RNF150: variants seen among roughly 807,000 people sequenced by gnomAD.
RNF150 encodes the protein ring finger protein 150.
In RNF150, 24 loss-of-function variants were observed where a neutral mutation model predicts 39.3. The ratio of observed to expected loss-of-function variants is 0.61; its 90% confidence interval spans 0.44 to 0.86. The LOEUF (loss-of-function observed/expected upper bound fraction) is 0.86, where lower values mean the gene tolerates loss of function less well. Among genes scored for constraint, RNF150 ranks in the 40% least tolerant of loss-of-function variants. The pLI, the probability that RNF150 is intolerant of heterozygous loss-of-function variation, is 0.00. For missense variants in RNF150, 502 were observed against 587.8 expected (o/e 0.85, Z 1.51); for synonymous variants, 255 against 227.3 (o/e 1.12, Z -1.10).
chr4:140,974,707 A>G (rs1733598400), intron 1 of RNF150, among the ~76,000 whole-genome samples: 1 of 152,176 alleles, frequency 6.6e-6, no homozygotes, highest in Admixed American at 6.5e-5. Context: ...AGGTGTACAA[A>G]GGTATTGCAT....
intron 5 of RNF150, among the ~76,000 whole-genome samples, chr4:140,919,880 C>T (rs1731030934): frequency 6.6e-6 from 1 of 152,054 alleles, no homozygotes; most frequent in African/African-American, 2.4e-5. Context: ...AGAAATAACG[C>T]CACATATCTA....
intron 1 of RNF150, among the ~76,000 whole-genome samples, chr4:141,117,004 C>A (rs538675795): frequency 2.7e-4 from 40 of 149,912 alleles, no homozygotes; most frequent in African/African-American, 9.1e-4. Context: ...GGTGGGGGGA[C>A]TAGGGGAGGG....
chr4:140,900,089 C>T (rs1011692856), intron 6 of RNF150, among the ~76,000 whole-genome samples: 4 of 151,996 alleles, frequency 2.6e-5, no homozygotes, highest in African/African-American at 9.7e-5. Context: ...TTGCACCAAC[C>T]TAATAGCAGT....
intron 5 of RNF150, among the ~76,000 whole-genome samples, chr4:140,919,035 T>A (rs994644236): frequency 1.3e-5 from 2 of 151,772 alleles, no homozygotes; most frequent in Admixed American, 6.6e-5. Flanking sequence ...GGGACGTATC[T>A]CAAAATAATA....
At chr4:141,191,020 C>T (rs1728102862) in intron 1 of RNF150, among the ~76,000 whole-genome samples, 2 of 152,226 alleles carry the variant, frequency 1.3e-5, no homozygotes, top group Non-Finnish European at 1.5e-5. Flanking sequence ...ACCTTCCCCA[C>T]TCCACTTCAC....
intron 1 of RNF150, among the ~76,000 whole-genome samples, chr4:141,067,910 G>A (rs1385497325): frequency 6.6e-6 from 1 of 151,306 alleles, no homozygotes; most frequent in Non-Finnish European, 1.5e-5. Flanking sequence ...AACAAATCAT[G>A]TATAAAATAT....
At chr4:141,047,090 C>T (rs532904405) in intron 1 of RNF150, among the ~76,000 whole-genome samples, 1 of 152,038 alleles carries the variant, frequency 6.6e-6, no homozygotes, top group Non-Finnish European at 1.5e-5. Flanking sequence ...ATCTAAAAAT[C>T]AGGACTAATG....
At chr4:141,131,983 G>A (rs1726901652) in intron 1 of RNF150, among the ~76,000 whole-genome samples, 2 of 151,992 alleles carry the variant, frequency 1.3e-5, no homozygotes, top group African/African-American at 2.4e-5. Flanking sequence ...TTCCAAACAG[G>A]TGCTGGGCCG....
At chr4:141,186,059 G>C (rs978163343) in intron 1 of RNF150, among the ~76,000 whole-genome samples, 1 of 152,186 alleles carries the variant, frequency 6.6e-6, no homozygotes, top group African/African-American at 2.4e-5. Context: ...ATGAGTTAGG[G>C]AGGAATCCCT....
In RNF150 at chr4:141,061,875, C is replaced by A. The variant is rs535584717; in HGVS notation, c.484+70450G>T. Among the ~76,000 whole-genome samples the A allele has an allele frequency of 1.4e-3, 209 of 152,270 alleles. 12 individuals carry two copies. The South Asian group carries it at 0.041, about 30-fold the overall frequency. On this transcript the variant is annotated intron_variant, in intron 1 of 6. Coordinates refer to ENST00000515673, the MANE Select transcript of RNF150 (RefSeq NM_020724.2). ...CTGAATTAAGTAGGTCCTACCTCAACTGACATAAATAAACTAAATTTCAAA... is the reference window on the plus strand; with the variant it reads ...CTGAATTAAGTAGGTCCTACCTCAAATGACATAAATAAACTAAATTTCAAA...
At position 140,867,305 on chromosome 4, in the gene RNF150, A is replaced by C. The variant is rs1340292653; in HGVS notation, c.*956T>G. 1.3e-5 allele frequency: 2 copies of C among 152,218 alleles called. No homozygotes were observed. 9.4% of individuals were successfully genotyped at this position (152,218 alleles called of 1,614,324 possible). ...TACAGAACCCACTTACAGAGGTAAG[A>C]AAAAAACTGTTCTAGCCCAGGGGAA... On this transcript the variant is annotated 3_prime_UTR_variant, in exon 7 of 7. Coordinates refer to ENST00000515673, the MANE Select transcript of RNF150 (RefSeq NM_020724.2).
In RNF150 at chr4:140,964,712, T is replaced by C. The variant is rs138126765; in HGVS notation, c.735+2911A>G. ...TTTCCCCTAAATTATCCTATAAGTT[T>C]AAAAACTCATATAATGATTCTAAAT... On this transcript the variant is annotated intron_variant, in intron 2 of 6. Coordinates refer to ENST00000515673, the MANE Select transcript of RNF150 (RefSeq NM_020724.2). 2.6e-3 allele frequency among the ~76,000 whole-genome samples: 391 copies of C among 152,118 alleles called. 1 individual carries two copies. Among genetic ancestry groups the C allele is most frequent in the Middle Eastern group, 0.01 (3 of 294 alleles).
At chr4:140,919,333 C>T (rs1249953646) in intron 5 of RNF150, among the ~76,000 whole-genome samples, 7 of 142,340 alleles carry the variant, frequency 4.9e-5, no homozygotes, top group Admixed American at 1.5e-4. Context: ...GCAACTTCAG[C>T]GAAGACTCAA....
intron 1 of RNF150, among the ~76,000 whole-genome samples, chr4:141,061,033 A>T (rs1326093396): frequency 6.6e-6 from 1 of 152,120 alleles, no homozygotes; most frequent in Non-Finnish European, 1.5e-5. Context: ...GAAATACCTA[A>T]TGTAGGTGAT....
intron 1 of RNF150, among the ~76,000 whole-genome samples, chr4:140,971,545 A>G (rs1733466182): frequency 6.6e-6 from 1 of 152,074 alleles, no homozygotes; most frequent in Non-Finnish European, 1.5e-5. Context: ...AGTGGTGAGA[A>G]GTTGCTATTA....
rs534286907 is a variant in RNF150, at chr4:141,198,180, T to G, written c.-6+14614A>C. Among the ~76,000 whole-genome samples the G allele has an allele frequency of 2.0e-5, 3 of 151,660 alleles. No individual in the cohort carries two copies. The East Asian group carries it at 6.0e-4, about 30-fold the overall frequency. On this transcript the variant is annotated intron_variant, in intron 1 of 7. Transcript: ENST00000420921. ...AGCTGGGATTACAGGTGTGCACCAC[T>G]AATCCAAGATAATTTTTTGTATTTT... is the stretch of plus-strand genomic sequence containing the variant.
At chr4:140,986,377 A>C (rs1447281843) in intron 1 of RNF150, among the ~76,000 whole-genome samples, 14 of 152,120 alleles carry the variant, frequency 9.2e-5, no homozygotes, top group Admixed American at 9.2e-4. Context: ...ATTTAAGTTT[A>C]GAAATGGTTT....
intron 6 of RNF150, among the ~76,000 whole-genome samples, chr4:140,886,945 G>A (rs12499698): frequency 0.14 from 21,101 of 152,104 alleles, 1,772 homozygotes; most frequent in East Asian, 0.38. Flanking sequence ...TTTACATAGA[G>A]ATCTATGACT....
intron 1 of RNF150, among the ~76,000 whole-genome samples, chr4:140,986,660 A>G (rs1734026079): frequency 6.6e-6 from 1 of 152,038 alleles, no homozygotes. Context: ...CACCCCTACC[A>G]TTCCTCCTTA....
Sources: gnomAD v4.1 joint callset for allele counts (sites outside exome capture counted in the v4.1 genomes callset) on GRCh38, gnomAD v4.1.1 for gene constraint, MANE v1.5 for transcripts, NCBI Gene and HGNC (gene_info 2026-07-23, HGNC 2026-07-21) for gene names.